NGEF: variants seen among roughly 807,000 people sequenced by gnomAD.
NGEF encodes the protein neuronal guanine nucleotide exchange factor.
NGEF carries 31 observed loss-of-function variants against 80.9 expected under a neutral mutation model. That is an observed-to-expected ratio of 0.38 (90% CI 0.29 to 0.52). NGEF has a LOEUF of 0.52. Among genes scored for constraint, NGEF ranks in the 20% least tolerant of loss-of-function variants. The pLI is 0.84. For synonymous variants in NGEF, 371 were observed against 370.2 expected, an observed-to-expected ratio of 1.00 and a Z score of -0.03; for missense variants, 709 against 926.2, an observed-to-expected ratio of 0.77 and a Z score of 3.04.
intron 4 of NGEF, 83 bp downstream of exon 4, chr2:232,926,961 C>T: frequency 6.4e-7 from 1 of 1,551,068 alleles, no homozygotes; most frequent in Non-Finnish European, 8.9e-7. Flanking sequence ...AACACAACGG[C>T]ATCCCATGAG....
At chr2:232,886,359 G>A (rs954197817) in intron 9 of NGEF, among the ~76,000 whole-genome samples, 4 of 151,780 alleles carry the variant, frequency 2.6e-5, no homozygotes, top group Non-Finnish European at 5.9e-5. Flanking sequence ...GAGGGGCCAT[G>A]TGTGTGCGGT....
chr2:232,994,434 G>T (rs1225983625), intron 1 of NGEF, among the ~76,000 whole-genome samples: 2 of 151,778 alleles, frequency 1.3e-5, no homozygotes, highest in Non-Finnish European at 2.9e-5. Context: ...TTGAACACTG[G>T]TTAACAGTTG....
chr2:232,920,727 T>C lies in NGEF; in HGVS notation c.527-142A>G. The C allele has an allele frequency of 4.8e-6, 3 of 628,206 alleles. No homozygotes were observed. The Admixed American group carries it at 1.2e-4, about 24-fold the overall frequency. 38.9% of individuals were successfully genotyped at this position (628,206 alleles called of 1,614,324 possible). A position where few individuals can be genotyped will look rare whatever the true frequency, so the allele number is the denominator to read the frequency against. On this transcript the variant is annotated intron_variant, in intron 4 of 14. Coordinates refer to ENST00000264051, the MANE Select transcript of NGEF (RefSeq NM_019850.3). ...ACAGTGCAAGCCAGCCCTGCACCCA[T>C]CTCAGCGGCAGGCTCCAGGCCACGG...
chr2:232,959,868 C>T (rs74269680), intron 3 of NGEF, among the ~76,000 whole-genome samples: 29,300 of 152,082 alleles, frequency 0.19, 2,948 homozygotes, highest in East Asian at 0.34. Context: ...CGTGAGCCAC[C>T]GCCCTGGGTA....
At chr2:232,936,483 G>A (rs1693325575) in intron 3 of NGEF, among the ~76,000 whole-genome samples, 1 of 152,164 alleles carries the variant, frequency 6.6e-6, no homozygotes, top group African/African-American at 2.4e-5. Context: ...TGGATAGGGT[G>A]GGGTCTCTGG....
chr2:232,899,004 GTA>G (rs1692182824), intron 5 of NGEF, among the ~76,000 whole-genome samples: 1 of 152,078 alleles, frequency 6.6e-6, no homozygotes, highest in Admixed American at 6.6e-5. Context: ...GTGAATGGGT[GTA>G]TGTGTGTTAA....
chr2:232,908,005 G>A (rs1692607930), intron 5 of NGEF, among the ~76,000 whole-genome samples: 1 of 152,078 alleles, frequency 6.6e-6, no homozygotes, highest in Non-Finnish European at 1.5e-5. Context: ...AGCTACTCAG[G>A]AGGCTGAGGC....
intron 3 of NGEF, among the ~76,000 whole-genome samples, chr2:232,927,564 C>T (rs1403763802): frequency 1.3e-5 from 2 of 152,136 alleles, no homozygotes; most frequent in African/African-American, 4.8e-5. Flanking sequence ...ACCCCCGGCC[C>T]CTTTCGGACT....
At chr2:232,996,971 GC>G (rs1329579986) in intron 1 of NGEF, among the ~76,000 whole-genome samples, 2 of 152,152 alleles carry the variant, frequency 1.3e-5, no homozygotes, top group Non-Finnish European at 2.9e-5. Flanking sequence ...ACTGCTCCCT[GC>G]CCCCAAGGGT....
intron 8 of NGEF, among the ~76,000 whole-genome samples, chr2:232,889,858 G>T (rs935745078): frequency 3.9e-5 from 6 of 152,090 alleles, no homozygotes; most frequent in African/African-American, 7.2e-5. Context: ...TAGGTCTTTG[G>T]CCTCTCACCT....
intron 1 of NGEF, among the ~76,000 whole-genome samples, chr2:233,007,502 C>A (rs1329177889): frequency 6.6e-6 from 1 of 152,150 alleles, no homozygotes; most frequent in Admixed American, 6.5e-5. Flanking sequence ...CTAGTGAAGG[C>A]TGAGAAAGGG....
intron 1 of NGEF, among the ~76,000 whole-genome samples, chr2:232,997,189 C>G (rs1694871888): frequency 6.6e-6 from 1 of 152,194 alleles, no homozygotes; most frequent in African/African-American, 2.4e-5. Context: ...GGGCCCAGAG[C>G]TTCTGATTCA....
At chr2:232,993,017 A>ACC (rs1320973849) in intron 1 of NGEF, among the ~76,000 whole-genome samples, 1 of 144,528 alleles carries the variant, frequency 6.9e-6, no homozygotes, top group African/African-American at 2.6e-5. Flanking sequence ...ACACACACAC[A>ACC]CACGCACATA....
rs748566838 is a variant in NGEF at position 232,893,041 on chromosome 2, C to T, written c.999G>A (p.Leu333=). ...TCTCCTCCATCCGGTGCTCCAGCTCCAGGAGGAACCTACGAGAGGCAGCGG... is the reference window on the plus strand; with the variant it reads ...TCTCCTCCATCCGGTGCTCCAGCTCTAGGAGGAACCTACGAGAGGCAGCGG... The part of the protein sequence containing the change: ...DVLAVSERFL[L]ELEHRMEENI... Residue 333 remains leucine, a synonymous_variant, in exon 7 of 15, where the codon CTG becomes CTA. Transcript: ENST00000264051. 3.1e-6 allele frequency: 5 copies of T among 1,611,886 alleles called. No individual in the cohort carries two copies. Among genetic ancestry groups the T allele is most frequent in the Non-Finnish European group, 3.4e-6 (4 of 1,179,112 alleles).
At chr2:232,928,272 G>A (rs894793290) in intron 3 of NGEF, 2 of 641,144 alleles carry the variant, frequency 3.1e-6, no homozygotes, top group Non-Finnish European at 3.9e-6. Flanking sequence ...CCCGGGCTGG[G>A]CGCGACCCGG....
intron 9 of NGEF, among the ~76,000 whole-genome samples, chr2:232,886,454 C>T (rs997894686): frequency 6.6e-6 from 1 of 152,098 alleles, no homozygotes; most frequent in Admixed American, 6.5e-5. Context: ...GTGCTGTGCA[C>T]AGGTGTGTGT....
In NGEF at chr2:233,013,069, T is replaced by A. The variant is rs1695247260; in HGVS notation, c.-76A>T. 2 of 466,800 alleles carry A rather than the reference T, an allele frequency of 4.3e-6. No homozygotes were observed. The highest frequency in any genetic ancestry group is 2.0e-5 in the African/African-American group (1 of 49,808). The allele number at this position is 466,800 out of a possible 1,614,324, so 28.9% of individuals were successfully genotyped here. A position where few individuals can be genotyped will look rare whatever the true frequency, so the allele number is the denominator to read the frequency against. On this transcript the variant is annotated splice_region_variant and 5_prime_UTR_variant, in exon 1 of 15. Coordinates refer to ENST00000264051, the MANE Select transcript of NGEF (RefSeq NM_019850.3). Reference sequence around the variant, plus strand: ...AAAATACCAAAACCATTCTCTCACCTGCCAGAGAGGAGCTCATAGGAGTTG... The same window carrying A: ...AAAATACCAAAACCATTCTCTCACCAGCCAGAGAGGAGCTCATAGGAGTTG...
intron 1 of NGEF, among the ~76,000 whole-genome samples, chr2:233,000,970 A>G (rs1201467801): frequency 6.6e-6 from 1 of 152,116 alleles, no homozygotes; most frequent in African/African-American, 2.4e-5. Context: ...GGCGCCGTGA[A>G]CCAGTGTTGT....
intron 3 of NGEF, among the ~76,000 whole-genome samples, chr2:232,968,155 C>G (rs766035320): frequency 6.9e-6 from 1 of 145,950 alleles, no homozygotes; most frequent in Non-Finnish European, 1.5e-5. Context: ...ATGGTGTGAT[C>G]TCTGCTTACC....
Sources: allele counts gnomAD v4.1 joint callset (sites outside exome capture counted in the v4.1 genomes callset), GRCh38; gene constraint gnomAD v4.1.1; transcripts MANE v1.5; gene names NCBI Gene and HGNC (gene_info 2026-07-23, HGNC 2026-07-21).